SOS2: variants seen among roughly 807,000 people sequenced by gnomAD.
SOS2 encodes SOS Ras/Rho guanine nucleotide exchange factor 2.
In SOS2, 65 loss-of-function variants were observed where a neutral mutation model predicts 148.2. The observed-to-expected ratio is 0.44, with a 90% CI of 0.36 to 0.54. The LOEUF (loss-of-function observed/expected upper bound fraction) is 0.54. Among genes scored for constraint, SOS2 ranks in the 20% least tolerant of loss-of-function variants. SOS2 has a pLI of 0.00. For missense variants in SOS2, 1,341 were observed against 1,590.2 expected, an observed-to-expected ratio of 0.84 and a Z score of 2.67; for synonymous variants, 539 against 537.1, an observed-to-expected ratio of 1.00 and a Z score of -0.05.
rs138748167 is a variant in SOS2, at chr14:50,183,058, A to G, written c.715-452T>C. ...CCATTAAATGTCAACAAGCTATAGC[A>G]GAATTTTTGCATTTTGCTCTTGGGA... is the stretch of plus-strand genomic sequence containing the variant. On this transcript the variant is annotated intron_variant, in intron 5 of 22. Transcript: ENST00000216373. Among the ~76,000 whole-genome samples, 13 of 152,362 alleles carry G rather than the reference A, an allele frequency of 8.5e-5. No individual in the cohort carries two copies. The East Asian group carries it at 2.5e-3, about 29-fold the overall frequency.
rs750920712 is a variant in SOS2, at chr14:50,153,137, A to G, written c.2094T>C (p.His698=). The change falls in exon 13 of 23, where the codon CAT becomes CAC. Residue 698 remains histidine (H), a synonymous_variant. Coordinates refer to ENST00000216373, the MANE Select transcript of SOS2 (RefSeq NM_006939.4). ...LNVFRHWVEH[H]FYDFERDLEL... Reference sequence around the variant, plus strand: ...CCAAGTCTCTTTCAAAGTCATAAAAATGATGTTCAACCCAATGCCGAAATA... The same window carrying G: ...CCAAGTCTCTTTCAAAGTCATAAAAGTGATGTTCAACCCAATGCCGAAATA... 2.5e-6 allele frequency: 4 copies of G among 1,606,976 alleles called. No homozygotes were observed. Among genetic ancestry groups the G allele is most frequent in the Middle Eastern group, 1.7e-4 (1 of 6,028 alleles).
chr14:50,153,605 A>G (rs1340677517), intron 12 of SOS2, among the ~76,000 whole-genome samples: 3 of 152,170 alleles, frequency 2.0e-5, no homozygotes, highest in Admixed American at 6.5e-5. Flanking sequence ...TGCAAGTGCT[A>G]TCATCAAATT....
chr14:50,147,341 C>CT (rs1884519184), intron 14 of SOS2, among the ~76,000 whole-genome samples: 2 of 151,842 alleles, frequency 1.3e-5, no homozygotes, highest in Non-Finnish European at 2.9e-5. Flanking sequence ...GACCTCATCT[C>CT]TATGAAATTT....
At chr14:50,199,300 C>T (rs1237473046) in intron 4 of SOS2, among the ~76,000 whole-genome samples, 1 of 152,176 alleles carries the variant, frequency 6.6e-6, no homozygotes, top group Non-Finnish European at 1.5e-5. Flanking sequence ...TTCAACATTG[C>T]AGTCTAATTT....
At position 50,140,005 on chromosome 14, in the gene SOS2, C is replaced by T. The variant is rs957376198; in HGVS notation, c.2722G>A (p.Asp908Asn). Residue 908 changes from aspartate to asparagine, a missense_variant, in exon 17 of 23, where the codon GAT (aspartate) becomes AAT (asparagine). This residue lies in a region of SOS2 where 408 missense variants were observed against 506.6 expected (regional missense o/e 0.81). Transcript: ENST00000216373. ...ILDEAVELSQ[D>N]HFKKYLVKLK... Reference sequence around the variant, plus strand: ...TTTACTAGGTATTTTTTAAAGTGATCTTGACTTAATTCCACAGCTTCGTCC... The same window carrying T: ...TTTACTAGGTATTTTTTAAAGTGATTTTGACTTAATTCCACAGCTTCGTCC... 2 of 1,609,282 alleles carry T rather than the reference C, an allele frequency of 1.2e-6. No homozygotes were observed. The highest frequency in any genetic ancestry group is 2.2e-5 in the East Asian group (1 of 44,738).
chr14:50,175,010 T>A (rs925255990), intron 7 of SOS2, among the ~76,000 whole-genome samples: 8 of 152,226 alleles, frequency 5.3e-5, no homozygotes, highest in African/African-American at 1.9e-4. Flanking sequence ...AAAACGTCTG[T>A]CATACAACTT....
At chr14:50,192,234 T>C (rs570308153) in intron 4 of SOS2, among the ~76,000 whole-genome samples, 46 of 139,098 alleles carry the variant, frequency 3.3e-4, no homozygotes, top group African/African-American at 1.3e-3. Context: ...AAAGAGAAAA[T>C]ATATTCATAC....
intron 4 of SOS2, among the ~76,000 whole-genome samples, chr14:50,195,888 A>G (rs79866668): frequency 0.22 from 32,974 of 152,038 alleles, 3,954 homozygotes; most frequent in East Asian, 0.45. Flanking sequence ...TCAGCCAGGC[A>G]TGGTGGTGGG....
At chr14:50,167,178 T>C (rs919526002) in intron 8 of SOS2, among the ~76,000 whole-genome samples, 1 of 152,214 alleles carries the variant, frequency 6.6e-6, no homozygotes, top group Non-Finnish European at 1.5e-5. Flanking sequence ...TTCTTTCATA[T>C]GTACCTGAAT....
chr14:50,198,656 G>A (rs1426022893), intron 4 of SOS2, among the ~76,000 whole-genome samples: 5 of 152,122 alleles, frequency 3.3e-5, no homozygotes, highest in Non-Finnish European at 2.9e-5. Context: ...AGGTCCTGAA[G>A]GTTGTTCACC....
chr14:50,125,103 T>G (rs1883640767), intron 21 of SOS2, among the ~76,000 whole-genome samples: 1 of 152,178 alleles, frequency 6.6e-6, no homozygotes, highest in South Asian at 2.1e-4. Context: ...TTTGCAGATG[T>G]AATGAAGTTA....
At chr14:50,154,491 G>A (rs2139608670) in intron 12 of SOS2, among the ~76,000 whole-genome samples, 1 of 152,208 alleles carries the variant, frequency 6.6e-6, no homozygotes, top group East Asian at 1.9e-4. Context: ...GTTTACCCAA[G>A]AAAAGTGAAA....
intron 1 of SOS2, among the ~76,000 whole-genome samples, chr14:50,216,950 T>A (rs570468437): frequency 6.6e-6 from 1 of 152,192 alleles, no homozygotes; most frequent in Non-Finnish European, 1.5e-5. Flanking sequence ...TAGAAATTGA[T>A]ATGTTGATTA....
chr14:50,171,045 C>T (rs552177457), intron 8 of SOS2, among the ~76,000 whole-genome samples: 93 of 150,348 alleles, frequency 6.2e-4, no homozygotes, highest in Middle Eastern at 3.5e-3. Context: ...ACCTGGGAGG[C>T]GGAGGTTGCA....
chr14:50,217,886 C>T (rs1887081125), intron 1 of SOS2, among the ~76,000 whole-genome samples: 3 of 151,956 alleles, frequency 2.0e-5, no homozygotes, highest in African/African-American at 7.2e-5. Context: ...AACCCGGAGG[C>T]AGAGCTTGCA....
Position 50,160,056 on chromosome 14 carries a change from T to C in SOS2, c.1227A>G (p.Gln409=). 1 of 1,613,356 alleles carries C rather than the reference T, an allele frequency of 6.2e-7. No individual in the cohort carries two copies. Among genetic ancestry groups the C allele is most frequent in the Non-Finnish European group, 8.5e-7 (1 of 1,179,682 alleles). ...TGATAGCCAGGTGTTTGCTTCTTAA[T>C]TGGTGACTATAAAAAGGGCAAACAG... ...GDPVCPFYSH[Q]LRSKHLAIKK... Residue 409 remains glutamine (Q), a synonymous_variant, in exon 10 of 23, where the codon CAA becomes CAG. Coordinates refer to ENST00000216373, the MANE Select transcript of SOS2 (RefSeq NM_006939.4).
chr14:50,141,318 G>A (rs191577557), intron 16 of SOS2, among the ~76,000 whole-genome samples: 7 of 150,312 alleles, frequency 4.7e-5, no homozygotes, highest in African/African-American at 1.5e-4. Context: ...CCAGGAGTTC[G>A]AAACCAGTCT....
intron 1 of SOS2, among the ~76,000 whole-genome samples, chr14:50,225,437 G>A (rs990021380): frequency 6.6e-6 from 1 of 152,174 alleles, no homozygotes; most frequent in East Asian, 1.9e-4. Flanking sequence ...GGTAACACAG[G>A]TAATGCTTTG....
At chr14:50,209,734 G>C (rs570502020) in intron 1 of SOS2, among the ~76,000 whole-genome samples, 1 of 147,104 alleles carries the variant, frequency 6.8e-6, no homozygotes, top group East Asian at 2.0e-4. Flanking sequence ...CTCCAGCTTG[G>C]GTGAGAGTGA....
Sources: gnomAD v4.1 joint callset for allele counts (sites outside exome capture counted in the v4.1 genomes callset) on GRCh38, gnomAD v4.1.1 for gene constraint, gnomAD v4.1.1 regional missense constraint, MANE v1.5 for transcripts, NCBI Gene and HGNC (gene_info 2026-07-23, HGNC 2026-07-21) for gene names.